TRDN: variants seen among roughly 807,000 people sequenced by gnomAD.
TRDN encodes the protein triadin, also known as triadin in skeletal muscle.
Under a neutral mutation model 149.7 loss-of-function variants are expected in TRDN, and 161 were observed. The ratio of observed to expected loss-of-function variants is 1.08; its 90% CI spans 0.95 to 1.23. The LOEUF (loss-of-function observed/expected upper bound fraction) is 1.23. Among genes scored for constraint, TRDN ranks in the 50% most tolerant of loss-of-function variants. TRDN has a pLI of 0.00. For missense variants in TRDN, 896 were observed against 823.5 expected (o/e 1.09, Z -1.08); for synonymous variants, 294 against 250.5 (o/e 1.17, Z -1.64).
chr6:123,291,713 A>G (rs1778019801), intron 24 of TRDN, among the ~76,000 whole-genome samples: 1 of 152,220 alleles, frequency 6.6e-6, no homozygotes, highest in Admixed American at 6.5e-5. Flanking sequence ...AAAGAAAATT[A>G]TTTGTAAAAA....
At chr6:123,357,073 T>A (rs939267297) in intron 20 of TRDN, among the ~76,000 whole-genome samples, 4 of 152,030 alleles carry the variant, frequency 2.6e-5, no homozygotes, top group African/African-American at 9.6e-5. Flanking sequence ...ATTCCGCCTT[T>A]TTTCTTTTCT....
At position 123,286,835 on chromosome 6, in the gene TRDN, G is replaced by GAGCAGC. The variant is rs139947757; in HGVS notation, c.1511-7759_1511-7754dup. On this transcript the variant is annotated intron_variant, in intron 24 of 40. Transcript: ENST00000334268. ...AATGGTCCTCAAAGTGTACTTTCCA[G>GAGCAGC]AGCAGCAGCAGCAGCAGCAGCACCT... Among the ~76,000 whole-genome samples the GAGCAGC allele has an allele frequency of 5.2e-4, 79 of 151,696 alleles. 2 individuals carry two copies. The highest frequency in any genetic ancestry group is 3.1e-4 in the Non-Finnish European group (21 of 67,948).
At chr6:123,481,451 C>T (rs536987572) in intron 9 of TRDN, among the ~76,000 whole-genome samples, 4 of 151,114 alleles carry the variant, frequency 2.6e-5, no homozygotes, top group Non-Finnish European at 4.4e-5. Context: ...TGGCAGGGAC[C>T]CTCTGTTTTT....
At chr6:123,549,095 A>G (rs1583225622) in intron 2 of TRDN, among the ~76,000 whole-genome samples, 2 of 152,086 alleles carry the variant, frequency 1.3e-5, no homozygotes, top group South Asian at 2.1e-4. Context: ...TTGTGATACC[A>G]CAGGAAGAAT....
chr6:123,540,670 C>T (rs12207201), intron 4 of TRDN, among the ~76,000 whole-genome samples: 8,329 of 152,302 alleles, frequency 0.055, 331 homozygotes, highest in Middle Eastern at 0.092. Context: ...AAGCGCCCGC[C>T]ACGACGCCTG....
intron 35 of TRDN, among the ~76,000 whole-genome samples, chr6:123,257,776 G>C (rs552415049): frequency 7.9e-5 from 12 of 152,272 alleles, no homozygotes; most frequent in African/African-American, 2.9e-4. Context: ...AGCATGGAAG[G>C]TTTTCCATTT....
In TRDN at chr6:123,221,597, A is replaced by C; in HGVS notation, c.2015-75T>G. ...TATATAAATATATATGGGACTGAGAATGTCTAAACAGAAGCACACTATGAA... is the reference window on the plus strand; with the variant it reads ...TATATAAATATATATGGGACTGAGACTGTCTAAACAGAAGCACACTATGAA... On this transcript the variant is annotated intron_variant, in intron 39 of 40. Coordinates refer to ENST00000334268, the MANE Select transcript of TRDN (RefSeq NM_006073.4). 3.1e-6 allele frequency: 3 copies of C among 965,722 alleles called. No homozygotes were observed. The South Asian group carries it at 5.0e-5, about 16-fold the overall frequency. 59.8% of individuals were successfully genotyped at this position (965,722 alleles called of 1,614,324 possible).
At chr6:123,618,098 C>T (rs531859237) in intron 1 of TRDN, among the ~76,000 whole-genome samples, 1 of 152,252 alleles carries the variant, frequency 6.6e-6, no homozygotes, top group Admixed American at 6.5e-5. Context: ...AAAAATTTGT[C>T]TTCCAGTGAG....
chr6:123,260,576 CTG>C (rs1268280069), intron 34 of TRDN, 34 bp downstream of exon 34: 1 of 1,451,050 alleles, frequency 6.9e-7, no homozygotes. Flanking sequence ...GTTTCCACAA[CTG>C]TATCTTATCT....
At chr6:123,514,785 C>A (rs1450141660) in intron 6 of TRDN, among the ~76,000 whole-genome samples, 1 of 151,930 alleles carries the variant, frequency 6.6e-6, no homozygotes, top group East Asian at 1.9e-4. Context: ...TTTGCAGAGA[C>A]ATGGATGAAG....
At position 123,231,996 on chromosome 6, in the gene TRDN, G is replaced by A. The variant is rs141510008; in HGVS notation, c.1976-7865C>T. 1.2e-3 allele frequency among the ~76,000 whole-genome samples: 175 copies of A among 152,066 alleles called. 1 individual carries two copies. The highest frequency in any genetic ancestry group is 2.0e-3 in the Non-Finnish European group (135 of 67,946). ...TTGTAAACTTGTGCAGACAAAGGGC[G>A]AAGTTAGGAATTGAATGTGACTGGA... On this transcript the variant is annotated intron_variant, in intron 38 of 40. Transcript: ENST00000334268.
At chr6:123,445,871 C>A (rs1217956973) in intron 10 of TRDN, among the ~76,000 whole-genome samples, 3 of 135,386 alleles carry the variant, frequency 2.2e-5, no homozygotes, top group African/African-American at 9.4e-5. Context: ...TTTGACCCAG[C>A]CATCCCATTA....
intron 24 of TRDN, among the ~76,000 whole-genome samples, chr6:123,288,190 T>C (rs1777868516): frequency 6.6e-6 from 1 of 152,070 alleles, no homozygotes; most frequent in South Asian, 2.1e-4. Flanking sequence ...GATATTCACA[T>C]GCAGAGAAAG....
intron 4 of TRDN, among the ~76,000 whole-genome samples, chr6:123,546,830 A>G (rs1207763150): frequency 6.6e-6 from 1 of 152,020 alleles, no homozygotes; most frequent in Non-Finnish European, 1.5e-5. Context: ...ACTCCACTCC[A>G]TGACAGTGAC....
chr6:123,505,992 T>G (rs1181972895), intron 7 of TRDN, among the ~76,000 whole-genome samples: 2 of 152,192 alleles, frequency 1.3e-5, no homozygotes, highest in Non-Finnish European at 2.9e-5. Context: ...CCTTTGCTGG[T>G]TTCTGCTCTT....
intron 24 of TRDN, among the ~76,000 whole-genome samples, chr6:123,291,199 G>A (rs953582652): frequency 2.2e-4 from 33 of 151,936 alleles, no homozygotes; most frequent in African/African-American, 7.7e-4. Context: ...TAATAAAAGA[G>A]TAATTTTATA....
At chr6:123,236,217 G>A (rs1294368429) in intron 38 of TRDN, among the ~76,000 whole-genome samples, 1 of 152,142 alleles carries the variant, frequency 6.6e-6, no homozygotes, top group Non-Finnish European at 1.5e-5. Flanking sequence ...ATAAATGTGT[G>A]CTGTTATATA....
At chr6:123,522,482 T>C (rs1779731284) in intron 5 of TRDN, among the ~76,000 whole-genome samples, 1 of 150,432 alleles carries the variant, frequency 6.6e-6, no homozygotes, top group Non-Finnish European at 1.5e-5. Flanking sequence ...TTACTATTTT[T>C]CTCCAGTTAA....
chr6:123,561,082 C>CAG (rs1781968671), intron 2 of TRDN, among the ~76,000 whole-genome samples: 1 of 152,180 alleles, frequency 6.6e-6, no homozygotes, highest in Admixed American at 6.5e-5. Context: ...TAGACACTTT[C>CAG]ACTGGATGGG....
Sources: allele counts gnomAD v4.1 joint callset (sites outside exome capture counted in the v4.1 genomes callset), GRCh38; gene constraint gnomAD v4.1.1; transcripts MANE v1.5; gene names NCBI Gene and HGNC (gene_info 2026-07-23, HGNC 2026-07-21).